Variants in DGLUCY observed in about 807,000 individuals in gnomAD.
DGLUCY encodes the protein D-glutamate cyclase, mitochondrial.
A neutral mutation model predicts 58.5 loss-of-function variants in DGLUCY; 58 were observed. The observed-to-expected ratio is 0.99, with a 90% confidence interval of 0.80 to 1.23. The LOEUF (loss-of-function observed/expected upper bound fraction) is 1.23, where lower values mean the gene tolerates loss of function less well. DGLUCY is among the 50% of genes most tolerant of loss of function. The pLI, the probability that DGLUCY is intolerant of heterozygous loss-of-function variation, is 0.00. For missense variants in DGLUCY, 779 were observed against 784.7 expected, an observed-to-expected ratio of 0.99 and a Z score of 0.09; for synonymous variants, 325 against 314.1, an observed-to-expected ratio of 1.03 and a Z score of -0.37.
intron 1 of DGLUCY, among the ~76,000 whole-genome samples, chr14:91,141,446 C>G (rs2046665251): frequency 6.6e-6 from 1 of 151,234 alleles, no homozygotes; most frequent in Admixed American, 6.6e-5. Flanking sequence ...CACTGCTAAA[C>G]AAATATTATT....
At chr14:91,111,104 AATTT>A (rs1722404781), upstream of DGLUCY, among the ~76,000 whole-genome samples, 1 of 151,814 alleles carries the variant, frequency 6.6e-6, no homozygotes, top group Admixed American at 6.6e-5. Flanking sequence ...AAACAACAGA[AATTT>A]ATTTCTCACT....
At chr14:91,097,018 G>C (rs959714929) in intron 1 of DGLUCY, among the ~76,000 whole-genome samples, 2 of 152,222 alleles carry the variant, frequency 1.3e-5, no homozygotes, top group Non-Finnish European at 2.9e-5. Flanking sequence ...ATAGACTGGT[G>C]GTGGTTGCCT....
At chr14:91,101,659 A>G (rs896151763) in intron 1 of DGLUCY, among the ~76,000 whole-genome samples, 3 of 152,374 alleles carry the variant, frequency 2.0e-5, no homozygotes, top group Non-Finnish European at 4.4e-5. Flanking sequence ...AAAGTAAGTC[A>G]TCAGATATTT....
chr14:91,081,571 A>G (rs2044128142), intron 1 of DGLUCY, among the ~76,000 whole-genome samples: 1 of 152,200 alleles, frequency 6.6e-6, no homozygotes, highest in Non-Finnish European at 1.5e-5. Context: ...ATGGGCTAAG[A>G]TCGAGGCATC....
At chr14:91,103,877 C>T (rs1158021019), upstream of DGLUCY, among the ~76,000 whole-genome samples, 1 of 151,582 alleles carries the variant, frequency 6.6e-6, no homozygotes, top group Non-Finnish European at 1.5e-5. Context: ...ATTCCCTTGT[C>T]CCCGCCCCCA....
intron 4 of DGLUCY, among the ~76,000 whole-genome samples, chr14:91,169,609 C>G (rs1376779284): frequency 2.6e-5 from 4 of 151,758 alleles, no homozygotes; most frequent in African/African-American, 4.8e-5. Context: ...GGGGTTTCAC[C>G]TTGTTGCCCA....
intron 1 of DGLUCY, among the ~76,000 whole-genome samples, chr14:91,080,664 C>G (rs2044108479): frequency 6.6e-6 from 1 of 152,164 alleles, no homozygotes; most frequent in Admixed American, 6.6e-5. Context: ...CCACCACACG[C>G]AGCCCCAGAA....
At chr14:91,212,638 G>C (rs1323868454) in intron 12 of DGLUCY, among the ~76,000 whole-genome samples, 1 of 152,062 alleles carries the variant, frequency 6.6e-6, no homozygotes, top group African/African-American at 2.4e-5. Flanking sequence ...AGAGTTCCAG[G>C]TTACAGTGAG....
chr14:91,173,042 C>T (rs892078891), intron 5 of DGLUCY, among the ~76,000 whole-genome samples: 2 of 152,108 alleles, frequency 1.3e-5, no homozygotes, highest in Non-Finnish European at 2.9e-5. Context: ...TTACTTTGAC[C>T]AGGGGTCCAC....
chr14:91,114,875 C>T (rs1031838505), intron 1 of DGLUCY: 3 of 152,404 alleles, frequency 2.0e-5, no homozygotes, highest in Non-Finnish European at 4.4e-5. Context: ...AAGTCTTTCT[C>T]CAGGCCACTG....
At position 91,224,796 on chromosome 14, in the gene DGLUCY, T is replaced by G. The variant is rs748019276; in HGVS notation, c.1829T>G (p.Ile610Ser). Residue 610 changes from isoleucine to serine, a missense_variant, in exon 14 of 14, where the codon ATC becomes AGC. Transcript: ENST00000256324. ...TTCCACAACACCCACGCCGAGATGA[T>G]CCAGAAGCTGGTGGACGTCACCACG... ...LPFHNTHAEM[I>S]QKLVDVTTAQ... 7 of 1,613,398 alleles carry G rather than the reference T, an allele frequency of 4.3e-6. No homozygotes were observed. The highest frequency in any genetic ancestry group is 5.9e-6 in the Non-Finnish European group (7 of 1,179,604).
intron 1 of DGLUCY, among the ~76,000 whole-genome samples, chr14:91,108,545 G>GAGAGAC (rs2044639068): frequency 6.7e-6 from 1 of 149,690 alleles, no homozygotes; most frequent in Non-Finnish European, 1.5e-5. Context: ...GAGAGAGAGA[G>GAGAGAC]AGAGAGAGAG....
At chr14:91,212,473 A>G (rs1885837627) in intron 12 of DGLUCY, among the ~76,000 whole-genome samples, 1 of 152,210 alleles carries the variant, frequency 6.6e-6, no homozygotes, top group Admixed American at 6.5e-5. Flanking sequence ...TACTCTATGT[A>G]AGGCATTTAC....
At chr14:91,198,801 G>A (rs2050375872) in intron 10 of DGLUCY, among the ~76,000 whole-genome samples, 1 of 152,110 alleles carries the variant, frequency 6.6e-6, no homozygotes, top group Non-Finnish European at 1.5e-5. Flanking sequence ...TTTGAACACT[G>A]TGTGAGGTAC....
chr14:91,086,120 G>C (rs1487112640), intron 1 of DGLUCY, among the ~76,000 whole-genome samples: 1 of 152,162 alleles, frequency 6.6e-6, no homozygotes, highest in African/African-American at 2.4e-5. Context: ...CTCCTTATGA[G>C]AATCTAATGC....
chr14:91,085,071 A>T (rs2044189819), intron 1 of DGLUCY, among the ~76,000 whole-genome samples: 1 of 152,020 alleles, frequency 6.6e-6, no homozygotes, highest in Non-Finnish European at 1.5e-5. Flanking sequence ...AAATGTTTGA[A>T]ATTAGCCTAG....
upstream of DGLUCY, among the ~76,000 whole-genome samples, chr14:91,109,912 A>G (rs2044664765): frequency 6.6e-6 from 1 of 152,176 alleles, no homozygotes; most frequent in Non-Finnish European, 1.5e-5. Context: ...AGGTTGAGGA[A>G]CCTCTTTGGG....
intron 1 of DGLUCY, among the ~76,000 whole-genome samples, chr14:91,090,834 C>T (rs1324895666): frequency 1.3e-5 from 2 of 152,200 alleles, no homozygotes; most frequent in African/African-American, 4.8e-5. Flanking sequence ...GGGGATGGCT[C>T]CATCTTCCAG....
intron 4 of DGLUCY, among the ~76,000 whole-genome samples, chr14:91,167,984 A>C (rs1329039550): frequency 2.0e-5 from 3 of 152,138 alleles, no homozygotes; most frequent in Non-Finnish European, 1.5e-5. Context: ...ACTCCTTCAG[A>C]CTGGGTGCTG....
Sources: allele counts gnomAD v4.1 joint callset (sites outside exome capture counted in the v4.1 genomes callset), GRCh38; gene constraint gnomAD v4.1.1; transcripts MANE v1.5; gene names NCBI Gene and HGNC (gene_info 2026-07-23, HGNC 2026-07-21).